The following AFG2A variants were observed in gnomAD, a reference collection of about 807,000 sequenced individuals.
AFG2A encodes ATPase family gene 2 protein homolog A.
chr4:122,945,448 C>T, the AFG2A span, among the ~76,000 whole-genome samples: 1 of 152,250 alleles, frequency 6.6e-6, no homozygotes, highest in Non-Finnish European at 1.5e-5. Flanking sequence ...CCCTCCGAGC[C>T]AGGTGCGGGA....
At chr4:123,043,653 T>C in the AFG2A span, among the ~76,000 whole-genome samples, 71 of 152,330 alleles carry the variant, frequency 4.7e-4, no homozygotes, top group African/African-American at 1.7e-3. Flanking sequence ...AGTAATTGAA[T>C]AAAAATGGGT....
the AFG2A span, among the ~76,000 whole-genome samples, chr4:123,234,024 AG>A: frequency 3.7e-3 from 563 of 152,170 alleles, 2 homozygotes; most frequent in Non-Finnish European, 5.4e-3. Context: ...CCACCATAAA[AG>A]AGGGGAAAAT....
At chr4:123,236,644 T>G in the AFG2A span, among the ~76,000 whole-genome samples, 1 of 152,256 alleles carries the variant, frequency 6.6e-6, no homozygotes, top group Admixed American at 6.5e-5. Flanking sequence ...TAAGAGCACT[T>G]AGAGTGATTT....
chr4:122,995,480 A>C, the AFG2A span, among the ~76,000 whole-genome samples: 1 of 152,194 alleles, frequency 6.6e-6, no homozygotes, highest in Non-Finnish European at 1.5e-5. Flanking sequence ...AAATAGTGCC[A>C]GAATCAAGAT....
At chr4:123,250,123 T>A in the AFG2A span, among the ~76,000 whole-genome samples, 1 of 152,190 alleles carries the variant, frequency 6.6e-6, no homozygotes, top group Non-Finnish European at 1.5e-5. Flanking sequence ...GTGTCTATTT[T>A]AATACTTTTG....
chr4:123,213,698 C>T, the AFG2A span, among the ~76,000 whole-genome samples: 1 of 152,128 alleles, frequency 6.6e-6, no homozygotes, highest in Non-Finnish European at 1.5e-5. Flanking sequence ...GTAGCTTTCT[C>T]TTGTAGAGGC....
At chr4:123,163,868 G>GT in the AFG2A span, among the ~76,000 whole-genome samples, 1,930 of 152,312 alleles carry the variant, frequency 0.013, 17 homozygotes, top group African/African-American at 0.019. Flanking sequence ...CACACTTACT[G>GT]TAATTACTCC....
chr4:123,213,659 G>T, the AFG2A span, among the ~76,000 whole-genome samples: 1 of 152,068 alleles, frequency 6.6e-6, no homozygotes, highest in African/African-American at 2.4e-5. Flanking sequence ...ATTTTAAAAA[G>T]AACTATTTAG....
At chr4:123,214,809 A>G in the AFG2A span, among the ~76,000 whole-genome samples, 1 of 152,006 alleles carries the variant, frequency 6.6e-6, no homozygotes, top group Non-Finnish European at 1.5e-5. Flanking sequence ...CTTCTTTATG[A>G]TTTTATTAAC....
At chr4:123,159,232 A>G in the AFG2A span, among the ~76,000 whole-genome samples, 1 of 152,002 alleles carries the variant, frequency 6.6e-6, no homozygotes, top group Non-Finnish European at 1.5e-5. Flanking sequence ...TTCTTTTGTA[A>G]AAGTTTTGGC....
At chr4:123,090,423 TATG>T in the AFG2A span, among the ~76,000 whole-genome samples, 2 of 152,222 alleles carry the variant, frequency 1.3e-5, no homozygotes, top group Non-Finnish European at 2.9e-5. Context: ...TGTTTTGAGA[TATG>T]ATAATGCAGT....
At chr4:123,075,705 C>T in the AFG2A span, among the ~76,000 whole-genome samples, 4 of 150,772 alleles carry the variant, frequency 2.7e-5, no homozygotes, top group African/African-American at 9.8e-5. Flanking sequence ...CGCCTGTAAT[C>T]CTAGCACTTA....
chr4:123,294,104 T>A, the AFG2A span, among the ~76,000 whole-genome samples: 1 of 152,334 alleles, frequency 6.6e-6, no homozygotes, highest in Non-Finnish European at 1.5e-5. Context: ...GTCTGCAGGA[T>A]GTGCAGTGGC....
At chr4:123,163,339 G>T in the AFG2A span, among the ~76,000 whole-genome samples, 1 of 152,176 alleles carries the variant, frequency 6.6e-6, no homozygotes, top group African/African-American at 2.4e-5. Flanking sequence ...GGGAGGCTGA[G>T]GCAGGAGAAT....
At chr4:122,992,269 A>C in the AFG2A span, among the ~76,000 whole-genome samples, 1 of 152,176 alleles carries the variant, frequency 6.6e-6, no homozygotes, top group Non-Finnish European at 1.5e-5. Flanking sequence ...CAATCCATGG[A>C]CTTGTGCCAT....
At chr4:123,151,704 T>C in the AFG2A span, among the ~76,000 whole-genome samples, 2 of 152,124 alleles carry the variant, frequency 1.3e-5, no homozygotes, top group Non-Finnish European at 2.9e-5. Flanking sequence ...GTTCAACCAT[T>C]GTGGAAGACA....
At chr4:122,988,547 C>T in the AFG2A span, among the ~76,000 whole-genome samples, 6 of 151,884 alleles carry the variant, frequency 4.0e-5, no homozygotes, top group African/African-American at 1.2e-4. Flanking sequence ...TACAGGCACA[C>T]GCCACCACAC....
At chr4:123,023,309 C>T in the AFG2A span, among the ~76,000 whole-genome samples, 311 of 152,170 alleles carry the variant, frequency 2.0e-3, 1 homozygote, top group Non-Finnish European at 3.2e-3. Context: ...CAAACCTCAG[C>T]GTCACACAAT....
the AFG2A span, among the ~76,000 whole-genome samples, chr4:122,961,482 T>G: frequency 6.6e-6 from 1 of 152,146 alleles, no homozygotes; most frequent in Non-Finnish European, 1.5e-5. Flanking sequence ...AGATATGGCT[T>G]GTTTTTGGGT....
Sources: gnomAD v4.1 joint callset for allele counts (sites outside exome capture counted in the v4.1 genomes callset) on GRCh38, gnomAD v4.1.1 for gene constraint, MANE v1.5 for transcripts, NCBI Gene and HGNC (gene_info 2026-07-23, HGNC 2026-07-21) for gene names.